The following CRMP1 variants were observed in gnomAD, a reference collection of about 807,000 sequenced individuals.
CRMP1 encodes the protein dihydropyrimidinase-related protein 1.
Under a neutral mutation model 68.3 loss-of-function variants are expected in CRMP1, and 19 were observed. The ratio of observed to expected loss-of-function variants is 0.28; its 90% CI spans 0.19 to 0.41. CRMP1 has a LOEUF of 0.41. CRMP1 is among the 10% of genes least tolerant of loss of function. The probability of loss-of-function intolerance (pLI) is 1.00; values close to 1 mark genes in which losing one functional copy is unlikely to be tolerated. For missense variants in CRMP1, 791 were observed against 967.4 expected (o/e 0.82, Z 2.42); for synonymous variants, 439 against 399.6 (o/e 1.10, Z -1.18).
chr4:5,893,039 C>G lies in CRMP1; in HGVS notation c.-70G>C, dbSNP rs1385603924. Reference sequence around the variant, plus strand: ...CGCGGCCCTGGGCACCGCCGTGCGCCGCGCTCCGCGCCTCGGTGCGGGCCT... The same window carrying G: ...CGCGGCCCTGGGCACCGCCGTGCGCGGCGCTCCGCGCCTCGGTGCGGGCCT... On this transcript the variant is annotated 5_prime_UTR_variant, in exon 1 of 14. Coordinates refer to ENST00000324989, the MANE Select transcript of CRMP1 (RefSeq NM_001014809.3). 1 of 1,014,498 alleles carries G rather than the reference C, an allele frequency of 9.9e-7. No individual in the cohort carries two copies. The highest frequency in any genetic ancestry group is 1.7e-5 in the African/African-American group (1 of 57,522). The allele number at this position is 1,014,498 out of a possible 1,614,324, so 62.8% of individuals were successfully genotyped here.
intron 1 of CRMP1, among the ~76,000 whole-genome samples, chr4:5,874,765 AAGG>A (rs1429388876): frequency 6.6e-6 from 1 of 152,166 alleles, no homozygotes; most frequent in Non-Finnish European, 1.5e-5. Flanking sequence ...GGAGGAAAGA[AAGG>A]AGAGAAGAGA....
At chr4:5,833,357 A>G (rs375920699) in intron 11 of CRMP1, among the ~76,000 whole-genome samples, 33,753 of 108,374 alleles carry the variant, frequency 0.31, 10,610 homozygotes, top group African/African-American at 0.71. Flanking sequence ...TAGTAGAGAC[A>G]GGGTTTCACC....
rs1468536812 is a variant in CRMP1 at position 5,881,360 on chromosome 4, A to G, written c.381+11229T>C. ...CAGCTCTCTAGGGCAATGGTTCTCA[A>G]CCTTACTGTACTCAGGACATACTTT... On this transcript the variant is annotated intron_variant, in intron 1 of 13. Coordinates refer to ENST00000324989, the MANE Select transcript of CRMP1 (RefSeq NM_001014809.3). The surrounding 1 kb of genome is among the most constrained non-coding windows in gnomAD (Gnocchi z 4.6). Among the ~76,000 whole-genome samples the G allele has an allele frequency of 1.3e-5, 2 of 152,148 alleles. No individual in the cohort carries two copies. The highest frequency in any genetic ancestry group is 4.8e-5 in the African/African-American group (2 of 41,424).
Position 5,827,948 on chromosome 4 carries a change from A to G in CRMP1, c.1803+541T>C, listed in dbSNP as rs888451421. 3.7e-5 allele frequency: 27 copies of G among 724,646 alleles called. 1 individual carries two copies. The South Asian group carries it at 1.2e-3, about 33-fold the overall frequency. 44.9% of individuals were successfully genotyped at this position (724,646 alleles called of 1,614,324 possible). On this transcript the variant is annotated intron_variant, in intron 12 of 13. Transcript: ENST00000324989. ...TCCCTTTGACAGATGTCCTGAGGTC[A>G]GTGCTAAGGTTGTTCAAGGAAAATA...
chr4:5,839,525 G>A lies in CRMP1; in HGVS notation c.1307C>T (p.Ala436Val), dbSNP rs372231548. The change falls in exon 9 of 14, where the codon GCC (alanine) becomes GTC (valine). Residue 436 changes from alanine (A) to valine (V), a missense_variant. Transcript: ENST00000324989. ...TTPDYLTSLLACGDLQVTGSG... is the reference protein window; with the variant it reads ...TTPDYLTSLLVCGDLQVTGSG... ...CCCACGTTCTCACAGGTCTCACCAG[G>A]CCAGTAGGGAGGTCAAGTAGTCGGG... is the stretch of plus-strand genomic sequence containing the variant. 6.2e-7 allele frequency: 1 copy of A among 1,607,412 alleles called. No individual in the cohort carries two copies.
Position 5,870,062 on chromosome 4 carries a change from G to T in CRMP1, c.382-3306C>A, listed in dbSNP as rs75079478. ...TCAGAAACACATCATGCAGTCGGCT[G>T]CTCAAAGCTTCTTGCATCAGAATCA... On this transcript the variant is annotated intron_variant, in intron 1 of 13. Transcript: ENST00000324989. This position sits in a 1 kb window ranked among gnomAD's most constrained non-coding sequence, Gnocchi z 6.0. Among the ~76,000 whole-genome samples, 553 of 152,324 alleles carry T rather than the reference G, an allele frequency of 3.6e-3. 5 individuals are homozygous for T. The highest frequency in any genetic ancestry group is 0.013 in the African/African-American group (531 of 41,588).
At chr4:5,824,604 C>T (rs903975204) in intron 13 of CRMP1, 49 of 950,778 alleles carry the variant, frequency 5.2e-5, no homozygotes, top group Middle Eastern at 5.3e-4. Context: ...TGTTTCTGTA[C>T]GATCCATGAC....
chr4:5,865,297 G>A lies in CRMP1; in HGVS notation c.470+1371C>T, dbSNP rs1376401682. 2.0e-5 allele frequency among the ~76,000 whole-genome samples: 3 copies of A among 152,074 alleles called. No homozygotes were observed. Among genetic ancestry groups the A allele is most frequent in the Non-Finnish European group, 4.4e-5 (3 of 67,996 alleles). ...AAATCCAGGTTACAACTCACAGAAA[G>A]AGAACTGCCCTGATCCTCACCCGCC... On this transcript the variant is annotated intron_variant, in intron 2 of 13. Coordinates refer to ENST00000324989, the MANE Select transcript of CRMP1 (RefSeq NM_001014809.3). The surrounding 1 kb of genome is among the most constrained non-coding windows in gnomAD (Gnocchi z 4.1).
At chr4:5,851,820 G>A (rs1712652466) in intron 4 of CRMP1, among the ~76,000 whole-genome samples, 1 of 149,172 alleles carries the variant, frequency 6.7e-6, no homozygotes, top group Non-Finnish European at 1.5e-5. Flanking sequence ...AAAAGAAGAG[G>A]AGGAGAAAGA....
intron 11 of CRMP1, among the ~76,000 whole-genome samples, chr4:5,833,159 C>CTTTT (rs1160531301): frequency 4.4e-4 from 37 of 84,642 alleles, no homozygotes; most frequent in East Asian, 8.8e-4. Flanking sequence ...CCTTCCAGAA[C>CTTTT]TTTTTTTTTT....
chr4:5,873,759 G>T (rs1577833719), intron 1 of CRMP1, among the ~76,000 whole-genome samples: 1 of 152,266 alleles, frequency 6.6e-6, no homozygotes, highest in Middle Eastern at 3.4e-3. Context: ...AGACACAGAG[G>T]TCAGAAGCAG....
At chr4:5,875,778 C>A (rs913032300) in intron 1 of CRMP1, among the ~76,000 whole-genome samples, 5 of 152,140 alleles carry the variant, frequency 3.3e-5, no homozygotes, top group Non-Finnish European at 7.3e-5. Context: ...TCTCCAAACC[C>A]TGATGCTGAA....
At position 5,889,922 on chromosome 4, in the gene CRMP1, A is replaced by G; in HGVS notation, c.381+2667T>C. The G allele has an allele frequency of 7.2e-7, 1 of 1,381,914 alleles. No individual in the cohort carries two copies. The highest frequency in any genetic ancestry group is 9.4e-7 in the Non-Finnish European group (1 of 1,066,542). 85.6% of individuals were successfully genotyped at this position (1,381,914 alleles called of 1,614,324 possible). On this transcript the variant is annotated intron_variant, in intron 1 of 13. Coordinates refer to ENST00000324989, the MANE Select transcript of CRMP1 (RefSeq NM_001014809.3). This position sits in a 1 kb window ranked among gnomAD's most constrained non-coding sequence, Gnocchi z 4.5. ...CAGGAACACTAGGCATAATTTTCCC[A>G]TTTTACAGACAGGAAATTGAGGCTT...
intron 5 of CRMP1, 22 bp from the exon 6 acceptor site, chr4:5,849,494 T>C (rs758896491): frequency 6.4e-7 from 1 of 1,552,178 alleles, no homozygotes; most frequent in Non-Finnish European, 8.8e-7. Flanking sequence ...TAAACAGGGG[T>C]TGGTGTGAGA....
In CRMP1 at chr4:5,825,420, C is replaced by T; in HGVS notation, c.1969+74G>A. The T allele has an allele frequency of 6.7e-7, 1 of 1,495,012 alleles. No homozygotes were observed. Among genetic ancestry groups the T allele is most frequent in the Non-Finnish European group, 8.9e-7 (1 of 1,129,560 alleles). The allele number at this position is 1,495,012 out of a possible 1,614,324, so 92.6% of individuals were successfully genotyped here. A position where few individuals can be genotyped will look rare whatever the true frequency, so the allele number is the denominator to read the frequency against. On this transcript the variant is annotated intron_variant, in intron 13 of 13. Transcript: ENST00000324989. The surrounding 1 kb of genome is among the most constrained non-coding windows in gnomAD (Gnocchi z 4.4). ...AGTGTCCAAGGCCACGTGTCCATTT[C>T]CTCAGAAGCAGCAGGAAGGACTCGG...
At position 5,839,636 on chromosome 4, in the gene CRMP1, G is replaced by T. The variant is rs768018968; in HGVS notation, c.1196C>A (p.Thr399Asn). The change falls in exon 9 of 14, where the codon ACC (threonine) becomes AAC (asparagine). Residue 399 changes from threonine to asparagine, a missense_variant. Transcript: ENST00000324989. ...CTTGCTCCAGTAATGGGTGCCATCG[G>T]TCCCCAGGCTGGCGGCAATGGGCTC... Reference protein sequence around the residue: ...FGEPIAASLGTDGTHYWSKNW... With the variant: ...FGEPIAASLGNDGTHYWSKNW... The T allele has an allele frequency of 6.2e-7, 1 of 1,613,246 alleles. No homozygotes were observed. The highest frequency in any genetic ancestry group is 2.2e-5 in the East Asian group (1 of 44,866).
rs1031943377 is a variant in CRMP1 at position 5,872,286 on chromosome 4, T to C, written c.382-5530A>G. The stretch of plus-strand genomic sequence containing the variant: ...TAAAATTAATAACACCAAATTCACA[T>C]ATTTATAAAAAAAAATAATACCGGT... On this transcript the variant is annotated intron_variant, in intron 1 of 13. Transcript: ENST00000324989. The surrounding 1 kb of genome is among the most constrained non-coding windows in gnomAD (Gnocchi z 4.6). 6.6e-6 allele frequency among the ~76,000 whole-genome samples: 1 copy of C among 151,896 alleles called. No homozygotes were observed. The highest frequency in any genetic ancestry group is 1.5e-5 in the Non-Finnish European group (1 of 67,958).
At position 5,865,264 on chromosome 4, in the gene CRMP1, C is replaced by T. The variant is rs1713901856; in HGVS notation, c.470+1404G>A. 6.6e-6 allele frequency among the ~76,000 whole-genome samples: 1 copy of T among 152,040 alleles called. No individual in the cohort carries two copies. The highest frequency in any genetic ancestry group is 2.1e-4 in the South Asian group (1 of 4,826). ...CCAGATTTCAAGGGAAGAGGCTGAGCACCCAGCAAATCCAGGTTACAACTC... is the reference window on the plus strand; with the variant it reads ...CCAGATTTCAAGGGAAGAGGCTGAGTACCCAGCAAATCCAGGTTACAACTC... On this transcript the variant is annotated intron_variant, in intron 2 of 13. Coordinates refer to ENST00000324989, the MANE Select transcript of CRMP1 (RefSeq NM_001014809.3). The surrounding 1 kb of genome is among the most constrained non-coding windows in gnomAD (Gnocchi z 4.1).
chr4:5,825,855 G>GCA lies in CRMP1; in HGVS notation c.1804-198_1804-197dup, dbSNP rs1719495692. 7 of 575,936 alleles carry GCA rather than the reference G, an allele frequency of 1.2e-5. No homozygotes were observed. Among genetic ancestry groups the GCA allele is most frequent in the Non-Finnish European group, 3.0e-6 (1 of 336,626 alleles). 35.7% of individuals were successfully genotyped at this position (575,936 alleles called of 1,614,324 possible). On this transcript the variant is annotated intron_variant, in intron 12 of 13. Coordinates refer to ENST00000324989, the MANE Select transcript of CRMP1 (RefSeq NM_001014809.3). The surrounding 1 kb of genome is among the most constrained non-coding windows in gnomAD (Gnocchi z 4.4). ...CGCACACAGGCATTCATACACACAAGCATGCATACACACACATCTACATAC... is the reference window on the plus strand; with the variant it reads ...CGCACACAGGCATTCATACACACAAGCACATGCATACACACACATCTACATAC...
Sources: allele counts gnomAD v4.1 joint callset (sites outside exome capture counted in the v4.1 genomes callset), GRCh38; gene constraint gnomAD v4.1.1; non-coding constraint Gnocchi (gnomAD v3.1); transcripts MANE v1.5; gene names NCBI Gene and HGNC (gene_info 2026-07-23, HGNC 2026-07-21).